Variants in DDX6 observed in about 807,000 individuals in gnomAD.
The protein encoded by DDX6 is DEAD-box helicase 6, also known as probable ATP-dependent RNA helicase DDX6.
A neutral mutation model predicts 60.6 loss-of-function variants in DDX6; 7 were observed. That is an observed-to-expected ratio of 0.12 (90% CI 0.07 to 0.22). DDX6 has a LOEUF of 0.22. Among genes scored for constraint, DDX6 ranks in the 10% least tolerant of loss-of-function variants. The pLI is 1.00. For synonymous variants in DDX6, 207 were observed against 201.0 expected (o/e 1.03, Z -0.25); for missense variants, 270 against 589.9 (o/e 0.46, Z 5.62).
intron 4 of DDX6, among the ~76,000 whole-genome samples, chr11:118,771,935 C>T (rs1012472083): frequency 3.3e-5 from 5 of 152,042 alleles, no homozygotes; most frequent in African/African-American, 7.2e-5. Flanking sequence ...AGGTATACAG[C>T]GAAGAGAAAT....
intron 2 of DDX6, 173 bp downstream of exon 2, chr11:118,785,879 G>A: frequency 3.7e-6 from 2 of 533,434 alleles, no homozygotes; most frequent in Non-Finnish European, 6.3e-6. Flanking sequence ...ACAAATTATG[G>A]CAGAAATATA....
At chr11:118,765,471 T>TTACA in intron 5 of DDX6, 116 bp from the exon 6 acceptor site, 1 of 1,077,156 alleles carries the variant, frequency 9.3e-7, no homozygotes, top group Non-Finnish European at 1.4e-6. Context: ...TATGATGCAG[T>TTACA]GGCTCACACC....
chr11:118,783,810 CAAAA>C (rs71044495), intron 2 of DDX6, among the ~76,000 whole-genome samples: 3 of 56,912 alleles, frequency 5.3e-5, no homozygotes, highest in African/African-American at 2.1e-4. Flanking sequence ...GAGTCCATCT[CAAAA>C]AAAAAAAAAA....
In DDX6 at chr11:118,749,027, G is replaced by A. The variant is rs1477198368; in HGVS notation, c.*3078C>T. On this transcript the variant is annotated 3_prime_UTR_variant, in exon 14 of 14. Coordinates refer to ENST00000534980, the MANE Select transcript of DDX6 (RefSeq NM_004397.6). Reference sequence around the variant, plus strand: ...TTAGGTTTCCCTCTCTCTTACTTCTGTGAAAGATCATTTTAGAATAAATGT... The same window carrying A: ...TTAGGTTTCCCTCTCTCTTACTTCTATGAAAGATCATTTTAGAATAAATGT... 27 of 152,170 alleles carry A rather than the reference G, an allele frequency of 1.8e-4. No homozygotes were observed. Among genetic ancestry groups the A allele is most frequent in the Admixed American group, 1.7e-3 (26 of 15,270 alleles). The allele number at this position is 152,170 out of a possible 1,614,324, so 9.4% of individuals were successfully genotyped here.
intron 3 of DDX6, among the ~76,000 whole-genome samples, chr11:118,780,111 T>G (rs1274346844): frequency 3.0e-5 from 1 of 32,936 alleles, no homozygotes; most frequent in African/African-American, 1.0e-4. Flanking sequence ...CCAGACTCTA[T>G]CTCAAAAAAA....
At chr11:118,758,454 G>A (rs1313888636) in intron 9 of DDX6, among the ~76,000 whole-genome samples, 3 of 151,868 alleles carry the variant, frequency 2.0e-5, no homozygotes, top group African/African-American at 7.3e-5. Context: ...GCTCACTGCA[G>A]CCTCCGCCTC....
At chr11:118,765,403 A>G (rs1555161103) in intron 5 of DDX6, 48 bp from the exon 6 acceptor site, 4 of 1,586,892 alleles carry the variant, frequency 2.5e-6, no homozygotes, top group Non-Finnish European at 3.5e-6. Flanking sequence ...GTGAGGTGGG[A>G]GAACATGCTA....
intron 13 of DDX6, among the ~76,000 whole-genome samples, chr11:118,752,313 G>A (rs2137397168): frequency 6.6e-6 from 1 of 152,262 alleles, no homozygotes; most frequent in East Asian, 1.9e-4. Context: ...CTGATAGCAG[G>A]CAGCCCTCAC....
chr11:118,763,555 C>T (rs566735438), intron 6 of DDX6, among the ~76,000 whole-genome samples: 3 of 152,158 alleles, frequency 2.0e-5, no homozygotes, highest in South Asian at 2.1e-4. Context: ...ACAACTAGGC[C>T]GGGTGCAGTA....
chr11:118,761,591 G>A (rs543605030), intron 7 of DDX6, among the ~76,000 whole-genome samples: 32 of 151,662 alleles, frequency 2.1e-4, no homozygotes, highest in African/African-American at 6.3e-4. Flanking sequence ...CACTCCAAGC[G>A]GGGCAACGAG....
intron 4 of DDX6, among the ~76,000 whole-genome samples, chr11:118,773,428 C>T (rs944037675): frequency 1.3e-5 from 2 of 152,002 alleles, no homozygotes; most frequent in African/African-American, 4.8e-5. Flanking sequence ...AAAAATTAGC[C>T]GGGCGTGGTG....
At chr11:118,764,782 C>G (rs1555160962) in intron 6 of DDX6, among the ~76,000 whole-genome samples, 1 of 146,816 alleles carries the variant, frequency 6.8e-6, no homozygotes, top group African/African-American at 2.5e-5. Context: ...CCAGCCTGGG[C>G]AACAGAGCAA....
At chr11:118,764,821 T>TACACACACACACACACACACACACAC (rs59605753) in intron 6 of DDX6, among the ~76,000 whole-genome samples, 2 of 139,034 alleles carry the variant, frequency 1.4e-5, no homozygotes, top group East Asian at 4.1e-4. Flanking sequence ...AAAAAAAATA[T>TACACACACACACACACACACACACAC]ACACACACAC....
chr11:118,779,282 A>G (rs530343431), intron 4 of DDX6, among the ~76,000 whole-genome samples: 1 of 152,338 alleles, frequency 6.6e-6, no homozygotes, highest in East Asian at 1.9e-4. Context: ...ATAATTACAA[A>G]TAATACCTGA....
intron 7 of DDX6, 116 bp from the exon 8 acceptor site, chr11:118,760,160 GGT>G (rs1480564761): frequency 1.0e-6 from 1 of 982,188 alleles, no homozygotes; most frequent in African/African-American, 1.7e-5. Context: ...AAATGTTCCT[GGT>G]GGAAAACAAT....
At chr11:118,752,922 TAATAAA>T (rs1326648416) in intron 13 of DDX6, among the ~76,000 whole-genome samples, 1 of 152,078 alleles carries the variant, frequency 6.6e-6, no homozygotes, top group African/African-American at 2.4e-5. Flanking sequence ...GATCCCATCT[TAATAAA>T]AATAAAAAAA....
intron 7 of DDX6, among the ~76,000 whole-genome samples, chr11:118,762,221 A>T (rs1355232957): frequency 6.6e-6 from 1 of 151,486 alleles, no homozygotes; most frequent in African/African-American, 2.4e-5. Context: ...GGTTGTAGTG[A>T]GCCGAGATCA....
chr11:118,752,884 T>C (rs982196599), intron 13 of DDX6, among the ~76,000 whole-genome samples: 3 of 151,704 alleles, frequency 2.0e-5, no homozygotes, highest in Non-Finnish European at 4.4e-5. Flanking sequence ...AACCCAGGAG[T>C]TTGAAACCAG....
At chr11:118,756,770 C>A (rs1252333476) in intron 10 of DDX6, among the ~76,000 whole-genome samples, 2 of 152,178 alleles carry the variant, frequency 1.3e-5, no homozygotes, top group African/African-American at 4.8e-5. Context: ...AGGTGCCTAA[C>A]TGAGCACTTG....
Sources: allele counts gnomAD v4.1 joint callset (sites outside exome capture counted in the v4.1 genomes callset), GRCh38; gene constraint gnomAD v4.1.1; transcripts MANE v1.5; gene names NCBI Gene and HGNC (gene_info 2026-07-23, HGNC 2026-07-21).